RAD50: variants seen among roughly 807,000 people sequenced by gnomAD.
The protein encoded by RAD50 is RAD50 double strand break repair protein, also known as DNA repair protein RAD50.
RAD50 carries 132 observed loss-of-function variants against 168.8 expected under a neutral mutation model. That is an observed-to-expected ratio of 0.78 (90% confidence interval 0.68 to 0.90). The LOEUF (loss-of-function observed/expected upper bound fraction) is 0.90. RAD50 is among the 40% of genes least tolerant of loss of function. The pLI is 0.00. For synonymous variants in RAD50, 525 were observed against 497.4 expected (o/e 1.06, Z -0.74); for missense variants, 1,347 against 1,534.4 (o/e 0.88, Z 2.04).
Position 132,604,922 on chromosome 5 carries a change from T to C in RAD50, c.2641T>C (p.Leu881=), listed in dbSNP as rs1478966321. 1 of 1,613,990 alleles carries C rather than the reference T, an allele frequency of 6.2e-7. No individual in the cohort carries two copies. Among genetic ancestry groups the C allele is most frequent in the South Asian group, 1.1e-5 (1 of 91,062 alleles). The change falls in exon 16 of 25, where the codon TTG becomes CTG. Residue 881 remains leucine (L), a synonymous_variant. Transcript: ENST00000378823. ...TGAGAAACTTCAGATATCCACTAAT[T>C]TGCAACGTCGTCAGCAACTGGAGGA... ...KSEKLQISTN[L]QRRQQLEEQT...
chr5:132,615,627 T>C (rs1400054900), intron 19 of RAD50, among the ~76,000 whole-genome samples: 1 of 152,228 alleles, frequency 6.6e-6, no homozygotes, highest in Non-Finnish European at 1.5e-5. Context: ...TATCTAGTTA[T>C]ATTTTTAATT....
chr5:132,559,252 T>G, intron 1 of RAD50, 32 bp from the exon 2 acceptor site: 1 of 1,574,014 alleles, frequency 6.4e-7, no homozygotes, highest in Non-Finnish European at 8.6e-7. Context: ...GGTTCTCTTA[T>G]AACGAAATAA....
chr5:132,619,885 T>TATATATATATATAG lies in RAD50; in HGVS notation c.3389+1592_3389+1593insTATATATATATAGA, dbSNP rs1554099997. 2.5e-5 allele frequency among the ~76,000 whole-genome samples: 3 copies of TATATATATATATAG among 121,228 alleles called. No individual in the cohort carries two copies. The East Asian group carries it at 8.1e-4, about 33-fold the overall frequency. The allele number at this position is 121,228 out of a possible 152,430, so 79.5% of individuals were successfully genotyped here. On this transcript the variant is annotated intron_variant, in intron 21 of 24. Transcript: ENST00000378823. ...ATATATATAAAGATATATATATATA[T>TATATATATATATAG]AGAGAGAGAGAGAGAGAGATATATC...
chr5:132,611,485 C>A (rs901576815), intron 19 of RAD50, among the ~76,000 whole-genome samples: 1 of 151,912 alleles, frequency 6.6e-6, no homozygotes, highest in African/African-American at 2.4e-5. Context: ...GCGGGCAGAT[C>A]ACGAGGTCAG....
chr5:132,581,355 A>G (rs1453900081), intron 5 of RAD50, among the ~76,000 whole-genome samples: 3 of 152,140 alleles, frequency 2.0e-5, no homozygotes, highest in Non-Finnish European at 4.4e-5. Flanking sequence ...CCCGACCTCA[A>G]GTGATCTGCC....
intron 21 of RAD50, among the ~76,000 whole-genome samples, chr5:132,634,046 T>G (rs796224227): frequency 1.3e-5 from 2 of 152,296 alleles, no homozygotes; most frequent in African/African-American, 4.8e-5. Flanking sequence ...TTTTTTTTCT[T>G]TTGTATTATC....
At chr5:132,616,787 G>A (rs1751185333) in intron 20 of RAD50, among the ~76,000 whole-genome samples, 1 of 152,174 alleles carries the variant, frequency 6.6e-6, no homozygotes, top group African/African-American at 2.4e-5. Flanking sequence ...AACCACCTCA[G>A]CTGGTTAAAT....
chr5:132,580,047 A>G lies in RAD50; in HGVS notation c.737A>G (p.Asn246Ser). Residue 246 changes from asparagine (N) to serine (S), a missense_variant, in exon 5 of 25, where the codon AAT becomes AGT. Around this residue, in one of 3 missense-constraint regions of RAD50, gnomAD observed 703 missense variants for 767.7 expected, o/e 0.92. Transcript: ENST00000378823. ...SSKEIVKSYE[N>S]ELDPLKNRLK... Reference sequence around the variant, plus strand: ...AAGGAAATTGTCAAATCCTATGAGAATGAACTTGATCCATTGAAGGTAACT... The same window carrying G: ...AAGGAAATTGTCAAATCCTATGAGAGTGAACTTGATCCATTGAAGGTAACT... 6.2e-7 allele frequency: 1 copy of G among 1,611,392 alleles called. No individual in the cohort carries two copies. Among genetic ancestry groups the G allele is most frequent in the South Asian group, 1.1e-5 (1 of 91,010 alleles).
At chr5:132,582,701 C>A (rs1201670734) in intron 5 of RAD50, among the ~76,000 whole-genome samples, 6 of 152,062 alleles carry the variant, frequency 3.9e-5, no homozygotes, top group Non-Finnish European at 7.4e-5. Context: ...TTTCTGCACA[C>A]AAGTTCATGG....
chr5:132,628,971 A>G (rs1201709554), intron 21 of RAD50, among the ~76,000 whole-genome samples: 1 of 152,198 alleles, frequency 6.6e-6, no homozygotes, highest in African/African-American at 2.4e-5. Flanking sequence ...CAAGTTAAAT[A>G]GGCAGGTTGG....
chr5:132,603,172 A>G, intron 13 of RAD50, 128 bp from the exon 14 acceptor site: 1 of 816,856 alleles, frequency 1.2e-6, no homozygotes, highest in South Asian at 1.7e-5. Flanking sequence ...ATGATTCCAT[A>G]TCCACTGATA....
rs1407908849 is a variant in RAD50 at position 132,604,059 on chromosome 5, G to A, written c.2524+13G>A. ...AAGTTAGACACAGGTAATACAGTCT[G>A]TGTCCTTCTGTACTCATAGAGACTT... On this transcript the variant is annotated intron_variant, in intron 15 of 24. Transcript: ENST00000378823. 6.2e-7 allele frequency: 1 copy of A among 1,612,916 alleles called. No homozygotes were observed. Among genetic ancestry groups the A allele is most frequent in the Admixed American group, 1.7e-5 (1 of 59,996 alleles).
At chr5:132,563,172 G>A (rs1750150827) in intron 2 of RAD50, among the ~76,000 whole-genome samples, 1 of 152,182 alleles carries the variant, frequency 6.6e-6, no homozygotes. Context: ...TTGTTTTATT[G>A]TGTTTTTAAA....
chr5:132,608,509 T>G, intron 16 of RAD50, 106 bp from the exon 17 acceptor site: 1 of 987,666 alleles, frequency 1.0e-6, no homozygotes, highest in Non-Finnish European at 1.5e-6. Flanking sequence ...GAGTTGACTT[T>G]TAGAGCCTGG....
In RAD50 at chr5:132,618,154, A is replaced by C; in HGVS notation, c.3249A>C (p.Glu1083Asp). The C allele has an allele frequency of 6.2e-7, 1 of 1,613,944 alleles. No individual in the cohort carries two copies. The highest frequency in any genetic ancestry group is 8.5e-7 in the Non-Finnish European group (1 of 1,179,910). The change falls in exon 21 of 25, where the codon GAA becomes GAC. Residue 1083 changes from glutamate to aspartate, a missense_variant. Glu to Asp is a conservative substitution (Grantham distance 45). Coordinates refer to ENST00000378823, the MANE Select transcript of RAD50 (RefSeq NM_005732.4). ...LALGRQKGYE[E>D]EIIHFKKELR... ...TAGGGCGACAGAAAGGTTATGAAGA[A>C]GAAATTATTCATTTTAAGAAAGAAC... is the stretch of plus-strand genomic sequence containing the variant.
chr5:132,595,401 G>C (rs1750771583), intron 12 of RAD50, 172 bp from the exon 13 acceptor site: 1 of 502,252 alleles, frequency 2.0e-6, no homozygotes, highest in African/African-American at 2.0e-5. Context: ...AATGTATCAT[G>C]CTCTTTGGAA....
Position 132,644,294 on chromosome 5 carries a change from C to T in RAD50, c.*1930C>T, listed in dbSNP as rs1319780954. The T allele has an allele frequency of 5.8e-6, 1 of 172,458 alleles. No individual in the cohort carries two copies. Among genetic ancestry groups the T allele is most frequent in the Admixed American group, 6.4e-5 (1 of 15,708 alleles). The allele number at this position is 172,458 out of a possible 1,614,324, so 10.7% of individuals were successfully genotyped here. A position where few individuals can be genotyped will look rare whatever the true frequency, so the allele number is the denominator to read the frequency against. ...CATGGGTTTGGAGGTGGGATAGGTG[C>T]CTTTCTGGCTTCTCATTGCTGCTTC... On this transcript the variant is annotated 3_prime_UTR_variant, in exon 25 of 25. Coordinates refer to ENST00000378823, the MANE Select transcript of RAD50 (RefSeq NM_005732.4).
chr5:132,571,873 T>C (rs1323394761), intron 2 of RAD50, among the ~76,000 whole-genome samples: 1 of 152,202 alleles, frequency 6.6e-6, no homozygotes, highest in Non-Finnish European at 1.5e-5. Flanking sequence ...TGAGGAAATA[T>C]TACCCAAATT....
rs1211437074 is a variant in RAD50, at chr5:132,589,814, C to T, written c.1429C>T (p.Leu477=). The T allele has an allele frequency of 6.2e-7, 1 of 1,613,148 alleles. No homozygotes were observed. Residue 477 remains leucine, a synonymous_variant, in exon 9 of 25, where the codon CTG becomes TTG. Coordinates refer to ENST00000378823, the MANE Select transcript of RAD50 (RefSeq NM_005732.4). ...LEGSSDRILE[L]DQELIKAERE... The stretch of plus-strand genomic sequence containing the variant: ...AGGATCTTCAGACAGGATTCTTGAA[C>T]TGGACCAGGAGCTCATAAAAGCTGT...
Sources: allele counts gnomAD v4.1 joint callset (sites outside exome capture counted in the v4.1 genomes callset), GRCh38; gene constraint gnomAD v4.1.1; regional missense constraint gnomAD v4.1.1; transcripts MANE v1.5; gene names NCBI Gene and HGNC (gene_info 2026-07-23, HGNC 2026-07-21).